Variants in DNAH10 observed in about 807,000 individuals in gnomAD.
DNAH10 encodes the protein axonemal beta dynein heavy chain 10.
DNAH10 carries 348 observed loss-of-function variants against 506.6 expected under a neutral mutation model. The observed-to-expected ratio is 0.69, with a 90% CI of 0.63 to 0.75. The LOEUF (loss-of-function observed/expected upper bound fraction) is 0.75. Ranked by LOEUF, DNAH10 falls within the 30% of genes least tolerant of loss-of-function variation. DNAH10 has a pLI of 0.00. For synonymous variants in DNAH10, 2,059 were observed against 2,198.6 expected (o/e 0.94, Z 1.78); for missense variants, 5,179 against 5,787.1 (o/e 0.89, Z 3.41).
chr12:123,866,405 G>A (rs920538514), intron 41 of DNAH10, among the ~76,000 whole-genome samples: 25 of 151,514 alleles, frequency 1.7e-4, no homozygotes, highest in Admixed American at 1.3e-3. Context: ...CACCACGACC[G>A]GCTAATTTTT....
At position 123,925,435 on chromosome 12, in the gene DNAH10, C is replaced by G; in HGVS notation, c.11921+231C>G. 2.3e-6 allele frequency: 1 copy of G among 429,122 alleles called. No individual in the cohort carries two copies. Among genetic ancestry groups the G allele is most frequent in the Non-Finnish European group, 4.0e-6 (1 of 249,138 alleles). The allele number at this position is 429,122 out of a possible 1,614,324, so 26.6% of individuals were successfully genotyped here. On this transcript the variant is annotated intron_variant, in intron 68 of 78. Coordinates refer to ENST00000673944, the MANE Select transcript of DNAH10 (RefSeq NM_001372106.1). This position sits in a 1 kb window ranked among gnomAD's most constrained non-coding sequence, Gnocchi z 4.0. ...TATGCAGTTTCGAAAGTTCTAGTAG[C>G]TACATTAGAAAAGAAATGGGCGCAA...
chr12:123,875,870 C>T (rs1013765250), intron 47 of DNAH10, among the ~76,000 whole-genome samples: 6 of 152,118 alleles, frequency 3.9e-5, no homozygotes, highest in African/African-American at 1.4e-4. Flanking sequence ...ACTCTCCTAA[C>T]CTCATTCTCA....
intron 5 of DNAH10, among the ~76,000 whole-genome samples, chr12:123,776,279 C>T (rs547760079): frequency 3.3e-5 from 5 of 152,106 alleles, no homozygotes; most frequent in East Asian, 3.9e-4. Flanking sequence ...TGCTAATGAC[C>T]GGGATCTGGA....
In DNAH10 at chr12:123,871,603, G is replaced by T. The variant is rs1246494217; in HGVS notation, c.7785+1G>T. On this transcript the variant is annotated splice_donor_variant, in intron 45 of 78. Transcript: ENST00000673944. LOFTEE classifies it high-confidence loss of function. ...CAAAAATCTGAGTGAAGAAACTAAC[G>T]TAAGTCATTATTCATATGAATTATC... 1 of 1,548,806 alleles carries T rather than the reference G, an allele frequency of 6.5e-7. No individual in the cohort carries two copies. Among genetic ancestry groups the T allele is most frequent in the Non-Finnish European group, 8.7e-7 (1 of 1,146,972 alleles).
chr12:123,923,592 C>A (rs193037057), intron 65 of DNAH10, 171 bp from the exon 66 acceptor site: 1 of 544,676 alleles, frequency 1.8e-6, no homozygotes, highest in African/African-American at 2.0e-5. Flanking sequence ...GAACTGAGCT[C>A]ATCTCTCTTG....
chr12:123,867,362 A>G, intron 41 of DNAH10, 105 bp from the exon 42 acceptor site: 1 of 1,247,032 alleles, frequency 8.0e-7, no homozygotes, highest in Non-Finnish European at 1.1e-6. Flanking sequence ...TGTATCATTC[A>G]TCAGAAGATG....
chr12:123,934,807 C>T (rs750569949), intron 78 of DNAH10, 41 bp downstream of exon 78: 43 of 1,610,168 alleles, frequency 2.7e-5, no homozygotes, highest in Admixed American at 1.2e-4. Flanking sequence ...CAGGGCCCTT[C>T]CTCTTCTGAC....
chr12:123,860,875 A>T, intron 38 of DNAH10, 137 bp from the exon 39 acceptor site: 2 of 1,070,306 alleles, frequency 1.9e-6, no homozygotes, highest in Non-Finnish European at 2.8e-6. Flanking sequence ...AGGGAAGCCC[A>T]GTGAAGAGTT....
chr12:123,855,390 G>A (rs1260819599), intron 36 of DNAH10, among the ~76,000 whole-genome samples: 1 of 152,112 alleles, frequency 6.6e-6, no homozygotes, highest in Non-Finnish European at 1.5e-5. Flanking sequence ...GGAGGCTGAG[G>A]TGGGAGGATT....
chr12:123,766,562 T>C (rs929291547), intron 1 of DNAH10, among the ~76,000 whole-genome samples: 6 of 152,242 alleles, frequency 3.9e-5, no homozygotes, highest in African/African-American at 1.4e-4. Context: ...CTCTAATTAA[T>C]GGACACTTAG....
Position 123,916,589 on chromosome 12 carries a change from A to G in DNAH10, c.10855A>G (p.Lys3619Glu), listed in dbSNP as rs1212676641. 1.2e-6 allele frequency: 2 copies of G among 1,613,912 alleles called. No homozygotes were observed. Among genetic ancestry groups the G allele is most frequent in the Non-Finnish European group, 1.7e-6 (2 of 1,179,874 alleles). ...TGACAACGTCTTAGAAAAAAATATA[A>G]AAGTCTCCCAAGGACGGCAGTTTAT... Reference protein sequence around the residue: ...VIDNVLEKNIKVSQGRQFIIL... With the variant: ...VIDNVLEKNIEVSQGRQFIIL... The change falls in exon 63 of 79, where the codon AAA (lysine) becomes GAA (glutamate). Residue 3619 changes from lysine (K) to glutamate (E), a missense_variant. By Grantham distance (56) the Lys-to-Glu change is moderately conservative. Coordinates refer to ENST00000673944, the MANE Select transcript of DNAH10 (RefSeq NM_001372106.1). This position sits in a 1 kb window ranked among gnomAD's most constrained non-coding sequence, Gnocchi z 4.6.
chr12:123,801,913 C>T (rs1185616715), intron 16 of DNAH10, among the ~76,000 whole-genome samples: 2 of 152,310 alleles, frequency 1.3e-5, no homozygotes, highest in East Asian at 3.9e-4. Context: ...CCCATCCTTG[C>T]CCTCTCCTTA....
In DNAH10 at chr12:123,902,964, G is replaced by A; in HGVS notation, c.9666G>A (p.Glu3222=). The A allele has an allele frequency of 6.3e-7, 1 of 1,590,796 alleles. No individual in the cohort carries two copies. The highest frequency in any genetic ancestry group is 1.3e-5 in the African/African-American group (1 of 74,396). The change falls in exon 57 of 79, where the codon GAG becomes GAA. Residue 3222 remains glutamate, a synonymous_variant. Coordinates refer to ENST00000673944, the MANE Select transcript of DNAH10 (RefSeq NM_001372106.1). The surrounding 1 kb of genome is among the most constrained non-coding windows in gnomAD (Gnocchi z 4.5). ...CCGAGGAGAAGAAGAAACTGGCAGA[G>A]GAAAAGGCCATGGAGATAGAGGAGC... ...AVAEEKKKLA[E]EKAMEIEEQN...
At chr12:123,819,348 G>T in intron 23 of DNAH10, 98 bp downstream of exon 23, 1 of 817,806 alleles carries the variant, frequency 1.2e-6, no homozygotes, top group Non-Finnish European at 1.9e-6. Context: ...ATGGTGCCGT[G>T]ATTAAAATAT....
chr12:123,853,116 C>G lies in DNAH10; in HGVS notation c.6292-90C>G. The G allele has an allele frequency of 7.5e-7, 1 of 1,334,926 alleles. No individual in the cohort carries two copies. Among genetic ancestry groups the G allele is most frequent in the South Asian group, 2.0e-5 (1 of 50,894 alleles). 82.7% of individuals were successfully genotyped at this position (1,334,926 alleles called of 1,614,324 possible). ...GCAGCTGCACTGGAACACCTGCCCC[C>G]GTTTTCTTGCATTTGTAGAATGATG... On this transcript the variant is annotated intron_variant, in intron 35 of 78. Coordinates refer to ENST00000673944, the MANE Select transcript of DNAH10 (RefSeq NM_001372106.1). This position sits in a 1 kb window ranked among gnomAD's most constrained non-coding sequence, Gnocchi z 4.7.
Position 123,830,928 on chromosome 12 carries a change from G to T in DNAH10, c.4545+229G>T, listed in dbSNP as rs1452827082. Among the ~76,000 whole-genome samples, 3 of 152,144 alleles carry T rather than the reference G, an allele frequency of 2.0e-5. No homozygotes were observed. The East Asian group carries it at 5.8e-4, about 29-fold the overall frequency. On this transcript the variant is annotated intron_variant, in intron 26 of 78. Transcript: ENST00000673944. ...ATGGCACTCCAGCCTGGGTGACAGG[G>T]TGAGACCTTGTCTCAAAGAAGAAAA...
intron 27 of DNAH10, among the ~76,000 whole-genome samples, chr12:123,833,924 G>T (rs1960847198): frequency 6.6e-6 from 1 of 152,076 alleles, no homozygotes; most frequent in Non-Finnish European, 1.5e-5. Flanking sequence ...CTTCCTTTTG[G>T]GCAATACTTA....
rs541095698 is a variant in DNAH10, at chr12:123,856,356, C to T, written c.6439-700C>T. Among the ~76,000 whole-genome samples the T allele has an allele frequency of 5.4e-5, 8 of 148,258 alleles. No homozygotes were observed. In the South Asian group the frequency reaches 1.5e-3, roughly 27 times the overall value. ...TCTATCTATCTATCTATCTTTTTTT[C>T]GAGACAGAGTTTCACTCTTGTCACG... is the stretch of plus-strand genomic sequence containing the variant. On this transcript the variant is annotated intron_variant, in intron 36 of 78. Transcript: ENST00000673944.
intron 45 of DNAH10, among the ~76,000 whole-genome samples, chr12:123,873,022 C>A (rs1036372517): frequency 3.3e-5 from 5 of 152,216 alleles, no homozygotes; most frequent in African/African-American, 9.7e-5. Flanking sequence ...GCTTCCCTCA[C>A]CCTTCCTGCC....
Sources: allele counts gnomAD v4.1 joint callset (sites outside exome capture counted in the v4.1 genomes callset), GRCh38; gene constraint gnomAD v4.1.1; non-coding constraint Gnocchi (gnomAD v3.1); transcripts MANE v1.5; gene names NCBI Gene and HGNC (gene_info 2026-07-23, HGNC 2026-07-21).